Variants in FILIP1L observed in about 807,000 individuals in gnomAD.
FILIP1L encodes the protein filamin A interacting protein 1 like.
Under a neutral mutation model 96.6 loss-of-function variants are expected in FILIP1L, and 55 were observed. That is an observed-to-expected ratio of 0.57 (90% CI 0.46 to 0.71). FILIP1L has a LOEUF of 0.71. FILIP1L is among the 30% of genes least tolerant of loss of function. The pLI, the probability that FILIP1L is intolerant of heterozygous loss-of-function variation, is 0.00. For synonymous variants in FILIP1L, 467 were observed against 473.9 expected (o/e 0.99, Z 0.19); for missense variants, 1,304 against 1,321.2 (o/e 0.99, Z 0.20).
rs570937503 is a variant in FILIP1L, at chr3:100,082,626, G to C, written c.-11+31427C>G. On this transcript the variant is annotated intron_variant, in intron 1 of 5. Transcript: ENST00000477258. ...AGAAGAATGCAGCTCTGGGAAACAG[G>C]GTCCCACAGGGTAACTATTTTTTGG... Among the ~76,000 whole-genome samples, 6 of 152,148 alleles carry C rather than the reference G, an allele frequency of 3.9e-5. No homozygotes were observed. In the South Asian group the frequency reaches 8.3e-4, roughly 21 times the overall value.
At chr3:100,017,060 A>T (rs1167770153) in intron 1 of FILIP1L, among the ~76,000 whole-genome samples, 8 of 152,260 alleles carry the variant, frequency 5.3e-5, no homozygotes, top group Non-Finnish European at 1.2e-4. Context: ...ACATGTGTGT[A>T]TAATTCTTCA....
chr3:100,083,353 G>A (rs1451185167), intron 1 of FILIP1L, among the ~76,000 whole-genome samples: 3 of 152,240 alleles, frequency 2.0e-5, no homozygotes, highest in Non-Finnish European at 4.4e-5. Context: ...GTGTGGAACA[G>A]CAGCATCAGC....
At chr3:99,870,104 T>C (rs1384231422) in intron 4 of FILIP1L, among the ~76,000 whole-genome samples, 2 of 152,220 alleles carry the variant, frequency 1.3e-5, no homozygotes, top group Non-Finnish European at 2.9e-5. Context: ...TGATCAGAGT[T>C]CCCATGAGGG....
intron 4 of FILIP1L, among the ~76,000 whole-genome samples, chr3:99,899,194 G>A (rs554576041): frequency 2.6e-5 from 4 of 152,276 alleles, no homozygotes; most frequent in African/African-American, 9.6e-5. Context: ...TGTAGTTTCT[G>A]ATGTTCGTTG....
At chr3:99,981,542 T>TCATC (rs1709124941) in intron 1 of FILIP1L, among the ~76,000 whole-genome samples, 1 of 152,194 alleles carries the variant, frequency 6.6e-6, no homozygotes, top group Non-Finnish European at 1.5e-5. Flanking sequence ...CCTGATTTGA[T>TCATC]CATCACACAG....
chr3:99,951,698 C>T (rs1708182879), intron 1 of FILIP1L, among the ~76,000 whole-genome samples: 2 of 152,204 alleles, frequency 1.3e-5, no homozygotes, highest in South Asian at 2.1e-4. Context: ...TCCCTAATGA[C>T]ATCCAGTGAC....
intron 1 of FILIP1L, among the ~76,000 whole-genome samples, chr3:100,037,468 G>A (rs34626154): frequency 0.18 from 27,454 of 151,602 alleles, 2,833 homozygotes; most frequent in South Asian, 0.25. Flanking sequence ...ACACACACAC[G>A]CACATTGTTA....
chr3:99,911,630 A>G (rs1706792069), intron 4 of FILIP1L, among the ~76,000 whole-genome samples: 1 of 152,124 alleles, frequency 6.6e-6, no homozygotes, highest in South Asian at 2.1e-4. Context: ...TCTGCCTGCT[A>G]AGTCTACTCA....
At chr3:99,928,134 G>A (rs564938762) in intron 3 of FILIP1L, among the ~76,000 whole-genome samples, 1 of 152,306 alleles carries the variant, frequency 6.6e-6, no homozygotes, top group South Asian at 2.1e-4. Context: ...CATGTAATTA[G>A]GATACAGTCA....
intron 4 of FILIP1L, among the ~76,000 whole-genome samples, chr3:99,861,488 C>G (rs1944251843): frequency 6.6e-6 from 1 of 152,192 alleles, no homozygotes; most frequent in African/African-American, 2.4e-5. Context: ...TGGGCTTGTC[C>G]TCAGGTTCCT....
chr3:99,956,554 C>G (rs1390124109), intron 1 of FILIP1L, among the ~76,000 whole-genome samples: 2 of 152,152 alleles, frequency 1.3e-5, no homozygotes, highest in Non-Finnish European at 2.9e-5. Flanking sequence ...ACCACGTTGG[C>G]CAGGCTAGTC....
Position 99,849,790 on chromosome 3 carries a change from G to A in FILIP1L, c.1886C>T (p.Ser629Phe). ...CAGTTTCAGTCTTTCCACTTCTTGA[G>A]AGAGCTCCTTAATCTTATTGTTTTC... ...HQENNKIKEL[S>F]QEVERLKLKL... The change falls in exon 5 of 6, where the codon TCT becomes TTT. Residue 629 changes from serine (S) to phenylalanine (F), a missense_variant. Coordinates refer to ENST00000477258, the MANE Select transcript of FILIP1L (RefSeq NM_001387850.1). 6.2e-7 allele frequency: 1 copy of A among 1,613,456 alleles called. No homozygotes were observed. The highest frequency in any genetic ancestry group is 8.5e-7 in the Non-Finnish European group (1 of 1,179,972).
intron 1 of FILIP1L, among the ~76,000 whole-genome samples, chr3:99,933,307 A>G (rs1185814883): frequency 6.6e-6 from 1 of 152,220 alleles, no homozygotes; most frequent in Non-Finnish European, 1.5e-5. Context: ...GATGTGTGAC[A>G]GTAGTTGTCA....
intron 1 of FILIP1L, among the ~76,000 whole-genome samples, chr3:99,938,945 T>A (rs894483161): frequency 6.6e-6 from 1 of 152,186 alleles, no homozygotes; most frequent in African/African-American, 2.4e-5. Context: ...GAAAACAAGA[T>A]AACCTAATTT....
At chr3:100,041,848 A>G (rs1243305896) in intron 1 of FILIP1L, among the ~76,000 whole-genome samples, 2 of 152,156 alleles carry the variant, frequency 1.3e-5, no homozygotes, top group Non-Finnish European at 2.9e-5. Flanking sequence ...TTCTTTCAAC[A>G]TGAAAGTATA....
intron 1 of FILIP1L, among the ~76,000 whole-genome samples, chr3:100,066,995 C>A (rs1479214110): frequency 6.6e-6 from 1 of 152,144 alleles, no homozygotes; most frequent in Non-Finnish European, 1.5e-5. Flanking sequence ...GTGTCCCATA[C>A]ACATATTGAG....
intron 4 of FILIP1L, among the ~76,000 whole-genome samples, chr3:99,863,307 C>T (rs964081753): frequency 1.3e-5 from 2 of 152,174 alleles, no homozygotes; most frequent in African/African-American, 4.8e-5. Flanking sequence ...GTAATGCTGC[C>T]TCATCCCGCT....
At chr3:99,894,819 T>C (rs146258096) in intron 4 of FILIP1L, among the ~76,000 whole-genome samples, 234 of 152,346 alleles carry the variant, frequency 1.5e-3, no homozygotes, top group African/African-American at 5.4e-3. Flanking sequence ...ACAAGGTTTA[T>C]ATGTACTCCT....
chr3:99,868,211 C>A (rs1406752555), intron 4 of FILIP1L, among the ~76,000 whole-genome samples: 1 of 152,150 alleles, frequency 6.6e-6, no homozygotes, highest in Non-Finnish European at 1.5e-5. Context: ...TAGGAAAGTT[C>A]TTGTGGGTTT....
Sources: gnomAD v4.1 joint callset for allele counts (sites outside exome capture counted in the v4.1 genomes callset) on GRCh38, gnomAD v4.1.1 for gene constraint, MANE v1.5 for transcripts, NCBI Gene and HGNC (gene_info 2026-07-23, HGNC 2026-07-21) for gene names.